Variants in NCAM2 observed in about 807,000 individuals in gnomAD.
NCAM2 encodes the protein N-CAM-2.
A neutral mutation model predicts 98.1 loss-of-function variants in NCAM2; 30 were observed. That is an observed-to-expected ratio of 0.31 (90% CI 0.23 to 0.41). The LOEUF is 0.41. Among genes scored for constraint, NCAM2 ranks in the 10% least tolerant of loss-of-function variants. NCAM2 has a pLI of 1.00. For synonymous variants in NCAM2, 368 were observed against 342.4 expected (o/e 1.07, Z -0.83); for missense variants, 867 against 1,005.8 (o/e 0.86, Z 1.87).
chr21:21,333,922 T>A (rs2074783178), intron 6 of NCAM2, among the ~76,000 whole-genome samples: 1 of 152,044 alleles, frequency 6.6e-6, no homozygotes, highest in Non-Finnish European at 1.5e-5. Flanking sequence ...AGTAATAATA[T>A]CAAAAATATA....
chr21:21,485,561 A>T (rs1035145219), intron 15 of NCAM2, among the ~76,000 whole-genome samples: 2 of 152,226 alleles, frequency 1.3e-5, no homozygotes, highest in African/African-American at 4.8e-5. Flanking sequence ...TGGTCTTTGC[A>T]AATTTTCATT....
chr21:21,106,620 T>A (rs1300947936), intron 1 of NCAM2, among the ~76,000 whole-genome samples: 1 of 151,798 alleles, frequency 6.6e-6, no homozygotes, highest in East Asian at 1.9e-4. Context: ...GCTTACATCT[T>A]TAGGTCTTTA....
intron 1 of NCAM2, among the ~76,000 whole-genome samples, chr21:21,134,401 C>T (rs1185769697): frequency 6.6e-6 from 1 of 151,988 alleles, no homozygotes; most frequent in Non-Finnish European, 1.5e-5. Flanking sequence ...TCTTAACTAC[C>T]TCAGAAGAAG....
rs529024888 is a variant in NCAM2 at position 21,357,827 on chromosome 21, A to G, written c.1045-16036A>G. 6.6e-5 allele frequency among the ~76,000 whole-genome samples: 10 copies of G among 152,280 alleles called. No homozygotes were observed. In the East Asian group the frequency reaches 1.5e-3, roughly 24 times the overall value. On this transcript the variant is annotated intron_variant, in intron 8 of 17. Coordinates refer to ENST00000400546, the MANE Select transcript of NCAM2 (RefSeq NM_004540.5). ...AATACAGAACAAAAAGCGAAGAACA[A>G]ATGTCAAAGAGATAAGTTTAATATA...
At chr21:21,013,607 C>T (rs1601090245) in intron 1 of NCAM2, among the ~76,000 whole-genome samples, 1 of 152,028 alleles carries the variant, frequency 6.6e-6, no homozygotes, top group Admixed American at 6.6e-5. Flanking sequence ...CATGGTGAAA[C>T]CCCGCCTCTA....
At chr21:21,366,437 A>G (rs2075788464) in intron 8 of NCAM2, among the ~76,000 whole-genome samples, 1 of 152,204 alleles carries the variant, frequency 6.6e-6, no homozygotes, top group African/African-American at 2.4e-5. Context: ...GCCTAATCTT[A>G]TTTAATTCTC....
At chr21:21,311,633 G>C (rs905143675) in intron 5 of NCAM2, among the ~76,000 whole-genome samples, 1 of 152,044 alleles carries the variant, frequency 6.6e-6, no homozygotes, top group African/African-American at 2.4e-5. Flanking sequence ...GATCCACTGC[G>C]CCCGGCCCAT....
intron 15 of NCAM2, among the ~76,000 whole-genome samples, chr21:21,493,600 T>C (rs182074813): frequency 8.5e-5 from 13 of 152,054 alleles, no homozygotes; most frequent in African/African-American, 2.9e-4. Flanking sequence ...CTTGGTGTTG[T>C]ACATTTTATG....
In NCAM2 at chr21:21,432,119, A is replaced by T; in HGVS notation, c.1492A>T (p.Ser498Cys). The change falls in exon 12 of 18, where the codon AGT becomes TGT. Residue 498 changes from serine to cysteine, a missense_variant. Coordinates refer to ENST00000400546, the MANE Select transcript of NCAM2 (RefSeq NM_004540.5). ...TTCTTTGTCCATAGACGTGCCATCC[A>T]GTCCCTATGGAGTGAAGATCATAGA... ...YILALADVPS[S>C]PYGVKIIELS... 1 of 1,613,730 alleles carries T rather than the reference A, an allele frequency of 6.2e-7. No individual in the cohort carries two copies. Among genetic ancestry groups the T allele is most frequent in the Non-Finnish European group, 8.5e-7 (1 of 1,179,752 alleles).
At chr21:21,328,894 T>G (rs576849596) in intron 6 of NCAM2, among the ~76,000 whole-genome samples, 1 of 152,040 alleles carries the variant, frequency 6.6e-6, no homozygotes, top group South Asian at 2.1e-4. Context: ...CCAGAAGAAC[T>G]TCTAGTCCTG....
chr21:21,102,112 C>T (rs1433838319), intron 1 of NCAM2, among the ~76,000 whole-genome samples: 1 of 151,918 alleles, frequency 6.6e-6, no homozygotes, highest in African/African-American at 2.4e-5. Flanking sequence ...GAGAGAGCCC[C>T]CTGCTGACCT....
rs114541838 is a variant in NCAM2 at position 21,336,905 on chromosome 21, G to A, written c.898+1240G>A. ...TTGGAAAGTTATTCAGCAGGATAAT[G>A]TTTAGGTGATGTTCAGAATGATGAT... is the stretch of plus-strand genomic sequence containing the variant. On this transcript the variant is annotated intron_variant, in intron 7 of 17. Transcript: ENST00000400546. Among the ~76,000 whole-genome samples the A allele has an allele frequency of 3.7e-3, 565 of 152,300 alleles. 4 individuals carry two copies. Among genetic ancestry groups the A allele is most frequent in the African/African-American group, 0.012 (507 of 41,582 alleles).
At chr21:21,482,642 A>G (rs1274747476) in intron 15 of NCAM2, among the ~76,000 whole-genome samples, 1 of 151,760 alleles carries the variant, frequency 6.6e-6, no homozygotes, top group Non-Finnish European at 1.5e-5. Flanking sequence ...TTCGTTTTTT[A>G]TCAACCTACT....
At chr21:21,138,600 T>C (rs2067107892) in intron 1 of NCAM2, among the ~76,000 whole-genome samples, 1 of 152,150 alleles carries the variant, frequency 6.6e-6, no homozygotes, top group Non-Finnish European at 1.5e-5. Context: ...TGCCATCCTC[T>C]CACATCTCCA....
Position 21,508,845 on chromosome 21 carries a change from T to TTTTA in NCAM2, c.2078-4_2078-3insTATT. The TTTTA allele has an allele frequency of 1.6e-6, 2 of 1,228,970 alleles. No individual in the cohort carries two copies. Among genetic ancestry groups the TTTTA allele is most frequent in the East Asian group, 2.8e-5 (1 of 35,148 alleles). The allele number at this position is 1,228,970 out of a possible 1,614,324, so 76.1% of individuals were successfully genotyped here. ...TTTTTTTTTTTTTTTTTTTTTACTT[T>TTTTA]TTAAGACACGCTGTTTAATGGTCTT... On this transcript the variant is annotated splice_polypyrimidine_tract_variant and splice_region_variant and intron_variant, in intron 15 of 17. Transcript: ENST00000400546.
chr21:21,157,952 G>A (rs566339667), intron 1 of NCAM2, among the ~76,000 whole-genome samples: 1 of 152,212 alleles, frequency 6.6e-6, no homozygotes, highest in South Asian at 2.1e-4. Context: ...TTTAATATGA[G>A]GGAACCAAGT....
At chr21:21,227,492 C>G (rs1255756525) in intron 1 of NCAM2, among the ~76,000 whole-genome samples, 1 of 151,622 alleles carries the variant, frequency 6.6e-6, no homozygotes, top group African/African-American at 2.4e-5. Context: ...TTAGAAAGAT[C>G]AAACATAATG....
Position 21,351,858 on chromosome 21 carries a change from C to T in NCAM2, c.1044+13324C>T, listed in dbSNP as rs557268960. ...CCCTACCAGGTTCCAGTGATTCTCC[C>T]GCCTCAGCCTCTGGAGTTGCTAGGA... On this transcript the variant is annotated intron_variant, in intron 8 of 17. Coordinates refer to ENST00000400546, the MANE Select transcript of NCAM2 (RefSeq NM_004540.5). 3.9e-5 allele frequency among the ~76,000 whole-genome samples: 6 copies of T among 152,160 alleles called. No homozygotes were observed. In the East Asian group the frequency reaches 5.8e-4, roughly 15 times the overall value.
chr21:21,234,790 G>C (rs2249862), intron 1 of NCAM2, among the ~76,000 whole-genome samples: 74,682 of 151,592 alleles, frequency 0.49, 18,976 homozygotes, highest in South Asian at 0.58. Context: ...ATTACCTTAC[G>C]AGAAATGCCT....
Sources: allele counts gnomAD v4.1 joint callset (sites outside exome capture counted in the v4.1 genomes callset), GRCh38; gene constraint gnomAD v4.1.1; transcripts MANE v1.5; gene names NCBI Gene and HGNC (gene_info 2026-07-23, HGNC 2026-07-21).